The following YAF2 variants were observed in gnomAD, a reference collection of about 807,000 sequenced individuals.
YAF2 encodes YY1 associated factor 2.
A neutral mutation model predicts 20.1 loss-of-function variants in YAF2; 7 were observed. The ratio of observed to expected loss-of-function variants is 0.35; its 90% CI spans 0.20 to 0.65. The LOEUF is 0.65. YAF2 is among the 30% of genes least tolerant of loss of function. The probability of loss-of-function intolerance (pLI) is 0.69; values close to 1 mark genes in which losing one functional copy is unlikely to be tolerated. For synonymous variants in YAF2, 74 were observed against 76.0 expected (o/e 0.97, Z 0.14); for missense variants, 151 against 219.2 (o/e 0.69, Z 1.96).
At chr12:42,185,611 A>G (rs2066453154) in intron 2 of YAF2, among the ~76,000 whole-genome samples, 1 of 152,218 alleles carries the variant, frequency 6.6e-6, no homozygotes, top group African/African-American at 2.4e-5. Context: ...ATGATCACTC[A>G]GCAGCCATTA....
At chr12:42,179,852 C>T (rs1342802600) in intron 2 of YAF2, among the ~76,000 whole-genome samples, 2 of 147,368 alleles carry the variant, frequency 1.4e-5, no homozygotes, top group Non-Finnish European at 3.0e-5. Flanking sequence ...TTAGAGTTCA[C>T]AGAAAACAAT....
intron 2 of YAF2, among the ~76,000 whole-genome samples, chr12:42,226,547 C>A (rs1282527722): frequency 2.0e-5 from 3 of 152,048 alleles, no homozygotes; most frequent in African/African-American, 7.2e-5. Context: ...CCCTGTAGTC[C>A]CAGCTACTTG....
At chr12:42,175,746 A>C (rs2066170823) in intron 2 of YAF2, among the ~76,000 whole-genome samples, 1 of 84,474 alleles carries the variant, frequency 1.2e-5, no homozygotes, top group Admixed American at 1.3e-4. Context: ...GTCTCAAAAA[A>C]AAAAAAAAAA....
chr12:42,212,283 T>G (rs2067235052), intron 2 of YAF2, among the ~76,000 whole-genome samples: 4 of 152,204 alleles, frequency 2.6e-5, no homozygotes, highest in Non-Finnish European at 5.9e-5. Context: ...ATGAAGATAT[T>G]ACATTACCTT....
chr12:42,196,857 C>T (rs539664781), intron 2 of YAF2, among the ~76,000 whole-genome samples: 11 of 152,110 alleles, frequency 7.2e-5, no homozygotes, highest in Non-Finnish European at 1.5e-4. Flanking sequence ...ACCGATACCA[C>T]CAGTCATTTG....
At chr12:42,190,805 T>C (rs2066593462) in intron 2 of YAF2, among the ~76,000 whole-genome samples, 1 of 152,142 alleles carries the variant, frequency 6.6e-6, no homozygotes, top group Non-Finnish European at 1.5e-5. Flanking sequence ...ATTGAGGTTT[T>C]TGTTTTGGGA....
At chr12:42,189,707 G>A (rs955025054) in intron 2 of YAF2, among the ~76,000 whole-genome samples, 2 of 151,788 alleles carry the variant, frequency 1.3e-5, no homozygotes, top group Non-Finnish European at 2.9e-5. Flanking sequence ...CAAAATCTTA[G>A]GAAATTTTAC....
At chr12:42,163,326 T>G (rs1360529150) in intron 2 of YAF2, among the ~76,000 whole-genome samples, 2 of 152,188 alleles carry the variant, frequency 1.3e-5, no homozygotes, top group Non-Finnish European at 2.9e-5. Flanking sequence ...ATTTTATCCT[T>G]AAGTGATGAT....
chr12:42,201,948 TG>T (rs1439900664), intron 2 of YAF2, among the ~76,000 whole-genome samples: 1 of 152,250 alleles, frequency 6.6e-6, no homozygotes, highest in African/African-American at 2.4e-5. Context: ...TTAACCTTGA[TG>T]GTTCATTCTT....
chr12:42,163,834 G>GT (rs2065852049), intron 2 of YAF2, among the ~76,000 whole-genome samples: 2 of 152,108 alleles, frequency 1.3e-5, no homozygotes, highest in Non-Finnish European at 2.9e-5. Context: ...TTACAACATC[G>GT]TAAGTCACTC....
intron 2 of YAF2, chr12:42,235,135 G>A (rs1242325474): frequency 1.0e-6 from 1 of 987,116 alleles, no homozygotes; most frequent in African/African-American, 1.7e-5. Context: ...TCAGTTCAAA[G>A]GTCAGTCTGA....
intron 2 of YAF2, among the ~76,000 whole-genome samples, chr12:42,186,746 A>G (rs2066485561): frequency 6.6e-6 from 1 of 152,178 alleles, no homozygotes; most frequent in African/African-American, 2.4e-5. Context: ...CAGGAAGCAG[A>G]TTAGTATTAA....
intron 2 of YAF2, among the ~76,000 whole-genome samples, chr12:42,174,203 T>C (rs1434498846): frequency 6.6e-6 from 1 of 152,066 alleles, no homozygotes; most frequent in Admixed American, 6.6e-5. Flanking sequence ...CTATACTCAC[T>C]CTATACTTTT....
At chr12:42,180,699 A>G (rs2066320252) in intron 2 of YAF2, among the ~76,000 whole-genome samples, 1 of 152,196 alleles carries the variant, frequency 6.6e-6, no homozygotes, top group African/African-American at 2.4e-5. Flanking sequence ...CTGTAATCTC[A>G]GCACTTTGGG....
chr12:42,165,888 C>A (rs1330128382), intron 2 of YAF2, among the ~76,000 whole-genome samples: 2 of 143,800 alleles, frequency 1.4e-5, no homozygotes, highest in Non-Finnish European at 3.0e-5. Context: ...CTATCTATAT[C>A]TATCTATCTA....
chr12:42,187,043 T>C (rs1249273475), intron 2 of YAF2, among the ~76,000 whole-genome samples: 2 of 152,222 alleles, frequency 1.3e-5, no homozygotes, highest in Non-Finnish European at 2.9e-5. Context: ...GAGCCCTACA[T>C]AGAACCTAAT....
intron 2 of YAF2, chr12:42,232,484 G>C: frequency 1.0e-6 from 1 of 985,310 alleles, no homozygotes; most frequent in Non-Finnish European, 1.2e-6. Context: ...TAACCAGTGT[G>C]AGTCCTCTTA....
intron 2 of YAF2, among the ~76,000 whole-genome samples, chr12:42,188,090 A>G (rs1245844917): frequency 1.3e-5 from 2 of 152,134 alleles, no homozygotes; most frequent in Non-Finnish European, 2.9e-5. Flanking sequence ...CAAATTCCTG[A>G]CTCACAGGAA....
intron 2 of YAF2, among the ~76,000 whole-genome samples, chr12:42,181,865 G>A (rs1451250634): frequency 6.6e-6 from 1 of 152,080 alleles, no homozygotes; most frequent in Non-Finnish European, 1.5e-5. Context: ...GTAGTAATAA[G>A]TATCTGAAAA....
Sources: gnomAD v4.1 joint callset for allele counts (sites outside exome capture counted in the v4.1 genomes callset) on GRCh38, gnomAD v4.1.1 for gene constraint, MANE v1.5 for transcripts, NCBI Gene and HGNC (gene_info 2026-07-23, HGNC 2026-07-21) for gene names.